The following GOLGA4 variants were observed in gnomAD, a reference collection of about 807,000 sequenced individuals.
GOLGA4 encodes the protein golgin subfamily A member 4.
A neutral mutation model predicts 265.9 loss-of-function variants in GOLGA4; 169 were observed. The ratio of observed to expected loss-of-function variants is 0.64; its 90% CI spans 0.56 to 0.72. The LOEUF is 0.72. Among genes scored for constraint, GOLGA4 ranks in the 30% least tolerant of loss-of-function variants. The pLI, the probability that GOLGA4 is intolerant of heterozygous loss-of-function variation, is 0.00. For missense variants in GOLGA4, 2,482 were observed against 2,483.4 expected (o/e 1.00, Z 0.01); for synonymous variants, 923 against 855.8 (o/e 1.08, Z -1.37).
intron 17 of GOLGA4, among the ~76,000 whole-genome samples, 192 bp from the exon 18 acceptor site, chr3:37,336,951 A>G (rs572517244): frequency 6.6e-6 from 1 of 152,280 alleles, no homozygotes; most frequent in East Asian, 1.9e-4. Context: ...TTTAGAGTAT[A>G]ATATTTTGTA....
intron 10 of GOLGA4, among the ~76,000 whole-genome samples, 176 bp from the exon 11 acceptor site, chr3:37,315,244 C>T (rs1386875032): frequency 6.6e-6 from 1 of 152,122 alleles, no homozygotes. Context: ...TTTTGGTGAC[C>T]GAACGTTTCT....
At chr3:37,338,681 A>T (rs936604533) in intron 19 of GOLGA4, among the ~76,000 whole-genome samples, 9 of 152,136 alleles carry the variant, frequency 5.9e-5, no homozygotes, top group African/African-American at 2.2e-4. Context: ...ACTGTTACCC[A>T]GTTCCAGAAT....
chr3:37,324,480 A>G lies in GOLGA4; in HGVS notation c.2594A>G (p.Asp865Gly). 6.2e-7 allele frequency: 1 copy of G among 1,614,148 alleles called. No homozygotes were observed. The highest frequency in any genetic ancestry group is 8.5e-7 in the Non-Finnish European group (1 of 1,179,978). ...GATGCTCACAAAATCCAGGTGCAGGACTTAATGCAGCAACTTGAAAAACAA... is the reference window on the plus strand; with the variant it reads ...GATGCTCACAAAATCCAGGTGCAGGGCTTAATGCAGCAACTTGAAAAACAA... ...ELDAHKIQVQ[D>G]LMQQLEKQNS... The change falls in exon 14 of 24, where the codon GAC becomes GGC. Residue 865 changes from aspartate (D) to glycine (G), a missense_variant. By Grantham distance (94) the Asp-to-Gly change is moderately conservative. Around this residue, in one of 3 missense-constraint regions of GOLGA4, gnomAD observed 1,536 missense variants for 1,483.7 expected, o/e 1.04. Coordinates refer to ENST00000361924, the MANE Select transcript of GOLGA4 (RefSeq NM_002078.5).
At chr3:37,285,920 A>G in intron 3 of GOLGA4, 94 bp from the exon 4 acceptor site, 2 of 691,776 alleles carry the variant, frequency 2.9e-6, no homozygotes, top group South Asian at 3.8e-5. Context: ...CTTCTAATTT[A>G]TTTTTTGACT....
chr3:37,359,579 C>T (rs1451748856), intron 22 of GOLGA4, among the ~76,000 whole-genome samples: 1 of 151,856 alleles, frequency 6.6e-6, no homozygotes, highest in Non-Finnish European at 1.5e-5. Flanking sequence ...TTCTAGTCAT[C>T]TTTTTCAATT....
At chr3:37,252,659 GTC>G (rs145882510) in intron 2 of GOLGA4, among the ~76,000 whole-genome samples, 2,102 of 152,246 alleles carry the variant, frequency 0.014, 45 homozygotes, top group African/African-American at 0.049. Context: ...CTGGAAAACA[GTC>G]TTTTTCATTT....
At position 37,324,693 on chromosome 3, in the gene GOLGA4, A is replaced by G. The variant is rs1354183641; in HGVS notation, c.2807A>G (p.Asp936Gly). ...ACACAGAAATTGTCAGCCAAGGAGG[A>G]CAGTATTCATATTTTGAATGAGGAA... The part of the protein sequence containing the change: ...ILTQKLSAKE[D>G]SIHILNEEYE... Residue 936 changes from aspartate (D) to glycine (G), a missense_variant, in exon 14 of 24, where the codon GAC becomes GGC. Physicochemically the swap from Asp to Gly is moderately conservative, Grantham distance 94 (BLOSUM62 -1). Coordinates refer to ENST00000361924, the MANE Select transcript of GOLGA4 (RefSeq NM_002078.5). 1 of 1,609,732 alleles carries G rather than the reference A, an allele frequency of 6.2e-7. No homozygotes were observed. Among genetic ancestry groups the G allele is most frequent in the Admixed American group, 1.7e-5 (1 of 59,188 alleles).
intron 10 of GOLGA4, among the ~76,000 whole-genome samples, chr3:37,313,786 A>G (rs1315200020): frequency 1.3e-5 from 2 of 152,184 alleles, no homozygotes; most frequent in African/African-American, 2.4e-5. Flanking sequence ...TGATAAATTC[A>G]TTGTAAGTTG....
chr3:37,269,383 A>G (rs1474583764), intron 2 of GOLGA4, among the ~76,000 whole-genome samples: 2 of 152,236 alleles, frequency 1.3e-5, no homozygotes, highest in African/African-American at 2.4e-5. Flanking sequence ...ACGTTTACCT[A>G]TGTAACAGAC....
At chr3:37,256,107 G>A (rs1042881285) in intron 2 of GOLGA4, among the ~76,000 whole-genome samples, 1 of 152,034 alleles carries the variant, frequency 6.6e-6, no homozygotes, top group Admixed American at 6.6e-5. Context: ...ATGTGTATCC[G>A]GTTGTCTCAT....
At chr3:37,297,926 G>A (rs1397572661) in intron 7 of GOLGA4, among the ~76,000 whole-genome samples, 2 of 152,156 alleles carry the variant, frequency 1.3e-5, no homozygotes. Flanking sequence ...CTACTTGGGA[G>A]GTTGAGGCAG....
At chr3:37,280,827 CT>C (rs2150764038) in intron 2 of GOLGA4, among the ~76,000 whole-genome samples, 1 of 152,238 alleles carries the variant, frequency 6.6e-6, no homozygotes, top group African/African-American at 2.4e-5. Flanking sequence ...TTTAAACCAC[CT>C]GTGATAAATT....
intron 9 of GOLGA4, among the ~76,000 whole-genome samples, chr3:37,301,655 T>C (rs1326784996): frequency 6.6e-6 from 1 of 152,240 alleles, no homozygotes; most frequent in East Asian, 1.9e-4. Flanking sequence ...AAATTTTTAA[T>C]GTAAAAAATA....
chr3:37,318,920 AG>A lies in GOLGA4; in HGVS notation c.1414-141del, dbSNP rs1474241198. On this transcript the variant is annotated intron_variant, in intron 11 of 23. Transcript: ENST00000361924. Reference sequence around the variant, plus strand: ...TGGCTTTGATGACTTTGATCTATGCAGGAAATGTGTTTTCTCTTAGGAATGT... The same window carrying A: ...TGGCTTTGATGACTTTGATCTATGCAGAAATGTGTTTTCTCTTAGGAATGT... 6.4e-5 allele frequency: 36 copies of A among 562,476 alleles called. No individual in the cohort carries two copies. The African/African-American group carries it at 6.8e-4, about 11-fold the overall frequency. The allele number at this position is 562,476 out of a possible 1,614,324, so 34.8% of individuals were successfully genotyped here.
At chr3:37,299,190 TGCAC>T in intron 8 of GOLGA4, 94 bp from the exon 9 acceptor site, 2 of 955,122 alleles carry the variant, frequency 2.1e-6, no homozygotes, top group Non-Finnish European at 1.6e-6. Flanking sequence ...TTTTTCCTTC[TGCAC>T]TGTAACATGT....
Position 37,243,280 on chromosome 3 carries a change from G to A in GOLGA4, c.-271G>A. ...AGCGCCCTTGGCGCACAGTTCACCT[G>A]CTGCCGTTGTCGTCGCCGCCGCGGC... On this transcript the variant is annotated 5_prime_UTR_variant, in exon 1 of 24. Transcript: ENST00000361924. 3.8e-6 allele frequency: 2 copies of A among 527,514 alleles called. No individual in the cohort carries two copies. Among genetic ancestry groups the A allele is most frequent in the Non-Finnish European group, 6.7e-6 (2 of 297,690 alleles). 32.7% of individuals were successfully genotyped at this position (527,514 alleles called of 1,614,324 possible).
At position 37,247,674 on chromosome 3, in the gene GOLGA4, T is replaced by C. The variant is rs189187957; in HGVS notation, c.73-3721T>C. 9.5e-4 allele frequency among the ~76,000 whole-genome samples: 144 copies of C among 152,344 alleles called. No homozygotes were observed. In the Middle Eastern group the frequency reaches 0.01, roughly 11 times the overall value. On this transcript the variant is annotated intron_variant, in intron 1 of 23. Coordinates refer to ENST00000361924, the MANE Select transcript of GOLGA4 (RefSeq NM_002078.5). Reference sequence around the variant, plus strand: ...TCTGGCATGGCATGACTGGGTTCTCTGCTCAGGGTCTTGCAAGGCTAAAAT... The same window carrying C: ...TCTGGCATGGCATGACTGGGTTCTCCGCTCAGGGTCTTGCAAGGCTAAAAT...
Position 37,324,954 on chromosome 3 carries a change from C to T in GOLGA4, c.3068C>T (p.Thr1023Ile), listed in dbSNP as rs754558185. 6.2e-6 allele frequency: 10 copies of T among 1,613,270 alleles called. No individual in the cohort carries two copies. In the Admixed American group the frequency reaches 1.2e-4, roughly 19 times the overall value. The change falls in exon 14 of 24, where the codon ACA (threonine) becomes ATA (isoleucine). Residue 1023 changes from threonine to isoleucine, a missense_variant. Physicochemically the swap from Thr to Ile is moderately conservative, Grantham distance 89 (BLOSUM62 -1). Coordinates refer to ENST00000361924, the MANE Select transcript of GOLGA4 (RefSeq NM_002078.5). Reference protein sequence around the residue: ...GISDAVSRLETNQKEQIESLT... With the variant: ...GISDAVSRLEINQKEQIESLT... The stretch of plus-strand genomic sequence containing the variant: ...AGTGATGCAGTGTCAAGACTGGAAA[C>T]AAACCAAAAAGAACAAATAGAAAGT...
At chr3:37,351,058 C>T (rs992917511) in intron 21 of GOLGA4, among the ~76,000 whole-genome samples, 5 of 152,096 alleles carry the variant, frequency 3.3e-5, no homozygotes, top group Non-Finnish European at 7.4e-5. Context: ...TTTTACCCAC[C>T]ATAGAACTTC....
Sources: allele counts gnomAD v4.1 joint callset (sites outside exome capture counted in the v4.1 genomes callset), GRCh38; gene constraint gnomAD v4.1.1; regional missense constraint gnomAD v4.1.1; transcripts MANE v1.5; gene names NCBI Gene and HGNC (gene_info 2026-07-23, HGNC 2026-07-21).